TJP1: variants seen among roughly 807,000 people sequenced by gnomAD.
TJP1 encodes the protein tight junction protein ZO-1.
Under a neutral mutation model 194.2 loss-of-function variants are expected in TJP1, and 43 were observed. The observed-to-expected ratio is 0.22, with a 90% CI of 0.17 to 0.29. The LOEUF (loss-of-function observed/expected upper bound fraction) is 0.29, where lower values mean the gene tolerates loss of function less well. Ranked by LOEUF, TJP1 falls within the 10% of genes least tolerant of loss-of-function variation. The pLI is 1.00. For missense variants in TJP1, 1,971 were observed against 2,185.7 expected (o/e 0.90, Z 1.96); for synonymous variants, 801 against 779.0 (o/e 1.03, Z -0.47).
At chr15:29,878,850 C>A (rs1054113696) in intron 2 of TJP1, among the ~76,000 whole-genome samples, 1 of 152,104 alleles carries the variant, frequency 6.6e-6, no homozygotes, top group African/African-American at 2.4e-5. Flanking sequence ...GCTGGCCGGG[C>A]GCGGTGGCTC....
chr15:29,784,125 TAAAAAACAA>T (rs1023328735), intron 2 of TJP1, among the ~76,000 whole-genome samples: 1 of 151,776 alleles, frequency 6.6e-6, no homozygotes, highest in Non-Finnish European at 1.5e-5. Context: ...AAAATTAGTT[TAAAAAACAA>T]AAAAAACTTC....
chr15:29,781,050 GA>G (rs1377286522), intron 2 of TJP1, among the ~76,000 whole-genome samples: 1 of 151,768 alleles, frequency 6.6e-6, no homozygotes, highest in Non-Finnish European at 1.5e-5. Flanking sequence ...ACGAATTCAG[GA>G]ATTGTATTTT....
intron 2 of TJP1, among the ~76,000 whole-genome samples, chr15:29,949,268 AC>A (rs2055430252): frequency 3.0e-5 from 3 of 100,984 alleles, no homozygotes; most frequent in African/African-American, 1.5e-4. Flanking sequence ...CACCACCACC[AC>A]CTCCATCACC....
intron 1 of TJP1, among the ~76,000 whole-genome samples, chr15:29,800,975 T>C (rs1051896451): frequency 1.6e-4 from 25 of 152,240 alleles, no homozygotes; most frequent in Middle Eastern, 3.2e-3. Flanking sequence ...TTCAAGCTAA[T>C]TCTGCAACTT....
intron 2 of TJP1, among the ~76,000 whole-genome samples, chr15:29,878,426 C>T (rs1231095195): frequency 6.6e-6 from 1 of 152,170 alleles, no homozygotes; most frequent in African/African-American, 2.4e-5. Flanking sequence ...CTTGAGTAGC[C>T]TCTGGACTTT....
At chr15:29,914,811 C>T (rs1039316774) in intron 2 of TJP1, among the ~76,000 whole-genome samples, 3 of 152,130 alleles carry the variant, frequency 2.0e-5, no homozygotes, top group African/African-American at 7.2e-5. Flanking sequence ...CTGAGAACTA[C>T]GGCACGCTTG....
chr15:29,776,837 T>A (rs1595858977), intron 2 of TJP1, among the ~76,000 whole-genome samples: 1 of 152,274 alleles, frequency 6.6e-6, no homozygotes, highest in Non-Finnish European at 1.5e-5. Flanking sequence ...AGATAAAAAT[T>A]TCTCAAATTT....
intron 2 of TJP1, among the ~76,000 whole-genome samples, chr15:29,842,144 A>G (rs575368474): frequency 6.6e-6 from 1 of 152,310 alleles, no homozygotes; most frequent in Admixed American, 6.5e-5. Flanking sequence ...TTTAAGTGAA[A>G]CGACGTATAA....
chr15:29,843,211 G>A (rs2051292388), intron 2 of TJP1, among the ~76,000 whole-genome samples: 3 of 144,126 alleles, frequency 2.1e-5, no homozygotes, highest in South Asian at 2.2e-4. Flanking sequence ...TTTTTGAGAC[G>A]GAGTTTCGCT....
chr15:29,909,199 G>A (rs1284728259), intron 2 of TJP1, among the ~76,000 whole-genome samples: 7 of 151,146 alleles, frequency 4.6e-5, no homozygotes, highest in South Asian at 2.1e-4. Flanking sequence ...TTAGCTGGGC[G>A]TGGTGGTGCA....
chr15:29,859,035 A>G (rs2031689707), intron 2 of TJP1, among the ~76,000 whole-genome samples: 1 of 152,170 alleles, frequency 6.6e-6, no homozygotes, highest in Non-Finnish European at 1.5e-5. Flanking sequence ...AGACAGATGG[A>G]TGTCCAATAA....
intron 2 of TJP1, among the ~76,000 whole-genome samples, chr15:29,853,656 A>C (rs1212870465): frequency 6.6e-6 from 1 of 152,196 alleles, no homozygotes; most frequent in Non-Finnish European, 1.5e-5. Context: ...CCAAGCTATA[A>C]AAATTGAATG....
chr15:29,764,330 A>C (rs2046198348), intron 5 of TJP1, among the ~76,000 whole-genome samples: 1 of 152,214 alleles, frequency 6.6e-6, no homozygotes, highest in African/African-American at 2.4e-5. Flanking sequence ...GTGACGGCTG[A>C]AAAGTTCAAA....
chr15:29,869,795 C>CTTTTTTTTTTTTTTTTTTT (rs11318770), intron 2 of TJP1, among the ~76,000 whole-genome samples: 2 of 56,002 alleles, frequency 3.6e-5, no homozygotes, highest in African/African-American at 6.7e-5. Context: ...TTCTTTCTTT[C>CTTTTTTTTTTTTTTTTTTT]TTTTTTTTTT....
intron 10 of TJP1, among the ~76,000 whole-genome samples, chr15:29,740,061 C>T (rs2044297493): frequency 6.6e-6 from 1 of 151,750 alleles, no homozygotes; most frequent in South Asian, 2.1e-4. Context: ...GACCTCGGCT[C>T]ACTGCAAGCT....
At chr15:29,812,184 G>A (rs1406632378) in intron 1 of TJP1, among the ~76,000 whole-genome samples, 1 of 152,154 alleles carries the variant, frequency 6.6e-6, no homozygotes, top group Non-Finnish European at 1.5e-5. Flanking sequence ...AGAGTTGCTC[G>A]GTGATAATCT....
At chr15:29,861,222 AAATT>A (rs199742721) in intron 2 of TJP1, among the ~76,000 whole-genome samples, 1,648 of 152,320 alleles carry the variant, frequency 0.011, 26 homozygotes, top group African/African-American at 0.038. Flanking sequence ...CAGGAACTGC[AAATT>A]ATTTTCCACA....
At position 29,920,030 on chromosome 15, in the gene TJP1, T is replaced by G. The variant is rs987198179; in HGVS notation, c.306+36202A>C. Among the ~76,000 whole-genome samples the G allele has an allele frequency of 1.8e-4, 27 of 152,174 alleles. 1 individual carries two copies. The highest frequency in any genetic ancestry group is 2.0e-4 in the Admixed American group (3 of 15,284). The stretch of plus-strand genomic sequence containing the variant: ...CTAGGCAGACACAACATCTGACACT[T>G]ACACTGCTCTTTCTGTGCATTTTCA... On this transcript the variant is annotated intron_variant, in intron 2 of 28. Transcript: ENST00000356107.
intron 2 of TJP1, among the ~76,000 whole-genome samples, chr15:29,858,009 C>T (rs1006039401): frequency 3.3e-5 from 5 of 152,160 alleles, no homozygotes; most frequent in African/African-American, 7.2e-5. Context: ...GTGATTCACC[C>T]GCCTCAGTCT....
Sources: gnomAD v4.1 joint callset for allele counts (sites outside exome capture counted in the v4.1 genomes callset) on GRCh38, gnomAD v4.1.1 for gene constraint, MANE v1.5 for transcripts, NCBI Gene and HGNC (gene_info 2026-07-23, HGNC 2026-07-21) for gene names.